Variants in ZBTB20 observed in about 807,000 individuals in gnomAD.
ZBTB20 encodes the protein zinc finger and BTB domain containing 20.
ZBTB20 carries 9 observed loss-of-function variants against 56.9 expected under a neutral mutation model. The observed-to-expected ratio is 0.16, with a 90% CI of 0.10 to 0.28. The LOEUF (loss-of-function observed/expected upper bound fraction) is 0.28. ZBTB20 is among the 10% of genes least tolerant of loss of function. The probability of loss-of-function intolerance (pLI) is 1.00; values close to 1 mark genes in which losing one functional copy is unlikely to be tolerated. For synonymous variants in ZBTB20, 417 were observed against 420.7 expected, an observed-to-expected ratio of 0.99 and a Z score of 0.11; for missense variants, 655 against 1,003.0, an observed-to-expected ratio of 0.65 and a Z score of 4.69.
chr3:114,671,163 G>T (rs1183035516), intron 6 of ZBTB20, among the ~76,000 whole-genome samples: 1 of 152,014 alleles, frequency 6.6e-6, no homozygotes, highest in Non-Finnish European at 1.5e-5. Context: ...TAAAGACTAC[G>T]CATTTAAAGT....
chr3:114,937,805 T>C (rs945800830), intron 3 of ZBTB20, among the ~76,000 whole-genome samples: 1 of 152,076 alleles, frequency 6.6e-6, no homozygotes, highest in Admixed American at 6.6e-5. Flanking sequence ...TGTAAATTTG[T>C]TTAAGTTCCT....
intron 5 of ZBTB20, among the ~76,000 whole-genome samples, chr3:114,776,697 TC>T (rs2108759006): frequency 6.6e-6 from 1 of 152,320 alleles, no homozygotes; most frequent in South Asian, 2.1e-4. Context: ...ACTCCATTGT[TC>T]AGAGCATTTG....
intron 6 of ZBTB20, among the ~76,000 whole-genome samples, chr3:114,553,389 T>A (rs2050807944): frequency 6.6e-6 from 1 of 152,144 alleles, no homozygotes; most frequent in African/African-American, 2.4e-5. Context: ...CTTCATACCA[T>A]CCTCTTCCAA....
intron 2 of ZBTB20, among the ~76,000 whole-genome samples, chr3:115,007,252 T>C (rs1217243523): frequency 6.6e-6 from 1 of 151,716 alleles, no homozygotes; most frequent in Non-Finnish European, 1.5e-5. Context: ...CTTCAACTTC[T>C]TCTGGAAATA....
intron 5 of ZBTB20, among the ~76,000 whole-genome samples, chr3:114,755,943 T>C (rs1411949597): frequency 3.3e-5 from 5 of 152,202 alleles, no homozygotes; most frequent in African/African-American, 1.2e-4. Context: ...TTAACTTTGC[T>C]GCAAGAAAGT....
chr3:115,095,669 T>C lies in ZBTB20; in HGVS notation c.-702-24255A>G, dbSNP rs555327005. 1.8e-4 allele frequency among the ~76,000 whole-genome samples: 28 copies of C among 152,296 alleles called. No individual in the cohort carries two copies. The South Asian group carries it at 5.4e-3, about 29-fold the overall frequency. Reference sequence around the variant, plus strand: ...GTTACTACATACATGATAGTAATCATAGATAGCATATTTCTTCCCATAGCC... The same window carrying C: ...GTTACTACATACATGATAGTAATCACAGATAGCATATTTCTTCCCATAGCC... On this transcript the variant is annotated intron_variant, in intron 1 of 11. Transcript: ENST00000675478.
chr3:115,137,580 T>G (rs1450448717), intron 1 of ZBTB20, among the ~76,000 whole-genome samples: 1 of 152,012 alleles, frequency 6.6e-6, no homozygotes, highest in African/African-American at 2.4e-5. Flanking sequence ...AAAGTTAAAG[T>G]ACATAATAAA....
chr3:115,002,684 C>T (rs1183295351), intron 2 of ZBTB20, among the ~76,000 whole-genome samples: 1 of 151,554 alleles, frequency 6.6e-6, no homozygotes, highest in Non-Finnish European at 1.5e-5. Flanking sequence ...ATACTGGCAA[C>T]AACAATTGCC....
chr3:114,761,776 G>C (rs547930927), intron 5 of ZBTB20, among the ~76,000 whole-genome samples: 20 of 151,634 alleles, frequency 1.3e-4, no homozygotes, highest in Non-Finnish European at 2.5e-4. Context: ...GGAGGTTCCA[G>C]TGAGCCGAGA....
At chr3:114,770,649 T>C (rs2069131134) in intron 5 of ZBTB20, among the ~76,000 whole-genome samples, 1 of 152,218 alleles carries the variant, frequency 6.6e-6, no homozygotes. Context: ...CTGTAATTCC[T>C]TCTTATCTGT....
At position 114,675,797 on chromosome 3, in the gene ZBTB20, T is replaced by C. The variant is rs964206032; in HGVS notation, c.-295+17731A>G. ...CACATATTCACTTCGCTTACAATTC[T>C]AGATGCTAACTCAATAAGAAAGAAA... On this transcript the variant is annotated intron_variant, in intron 6 of 11. Transcript: ENST00000675478. Among the ~76,000 whole-genome samples the C allele has an allele frequency of 3.9e-5, 6 of 152,294 alleles. No homozygotes were observed. In the South Asian group the frequency reaches 8.3e-4, roughly 21 times the overall value.
At chr3:114,985,275 T>G (rs902774329) in intron 2 of ZBTB20, among the ~76,000 whole-genome samples, 3 of 152,062 alleles carry the variant, frequency 2.0e-5, no homozygotes, top group Non-Finnish European at 4.4e-5. Flanking sequence ...CAGAAATCGT[T>G]AGCCATAAAT....
At chr3:115,010,410 C>G (rs1302788189) in intron 2 of ZBTB20, among the ~76,000 whole-genome samples, 1 of 151,930 alleles carries the variant, frequency 6.6e-6, no homozygotes, top group South Asian at 2.1e-4. Context: ...TGCAAAGGAG[C>G]TTGGGTCACT....
intron 2 of ZBTB20, among the ~76,000 whole-genome samples, chr3:115,015,551 T>A (rs1015050238): frequency 6.6e-6 from 1 of 151,880 alleles, no homozygotes; most frequent in Non-Finnish European, 1.5e-5. Flanking sequence ...CTCCCACTTA[T>A]AAGTGAGAAT....
intron 1 of ZBTB20, among the ~76,000 whole-genome samples, chr3:115,116,122 T>G (rs2108636172): frequency 6.6e-6 from 1 of 152,162 alleles, no homozygotes; most frequent in African/African-American, 2.4e-5. Context: ...TTAGTTAAAC[T>G]AATCTGTCAC....
At chr3:114,560,061 G>T (rs1426432409) in intron 6 of ZBTB20, among the ~76,000 whole-genome samples, 3 of 152,160 alleles carry the variant, frequency 2.0e-5, no homozygotes, top group African/African-American at 7.2e-5. Context: ...TTGATGCAGT[G>T]TTGTTTTGGT....
At chr3:114,999,280 G>T (rs1477001334) in intron 2 of ZBTB20, among the ~76,000 whole-genome samples, 1 of 135,948 alleles carries the variant, frequency 7.4e-6, no homozygotes, top group Non-Finnish European at 1.6e-5. Flanking sequence ...GGAAATGAAA[G>T]GAAAGGAAAG....
intron 3 of ZBTB20, among the ~76,000 whole-genome samples, chr3:114,970,116 T>C (rs1479120392): frequency 6.6e-6 from 1 of 152,216 alleles, no homozygotes; most frequent in Non-Finnish European, 1.5e-5. Context: ...AGCTGGCCCT[T>C]TGTGTACTTA....
At chr3:114,609,171 G>A (rs2057373542) in intron 6 of ZBTB20, among the ~76,000 whole-genome samples, 1 of 151,986 alleles carries the variant, frequency 6.6e-6, no homozygotes, top group Non-Finnish European at 1.5e-5. Flanking sequence ...CTCACTTCTG[G>A]GTGTCTTTCA....
Sources: gnomAD v4.1 joint callset for allele counts (sites outside exome capture counted in the v4.1 genomes callset) on GRCh38, gnomAD v4.1.1 for gene constraint, MANE v1.5 for transcripts, NCBI Gene and HGNC (gene_info 2026-07-23, HGNC 2026-07-21) for gene names.